The following EFCAB11 variants were observed in gnomAD, a reference collection of about 807,000 sequenced individuals.
EFCAB11 encodes EF-hand calcium-binding domain-containing protein 11.
A neutral mutation model predicts 23.0 loss-of-function variants in EFCAB11; 14 were observed. The observed-to-expected ratio is 0.61, with a 90% CI of 0.40 to 0.95. EFCAB11 has a LOEUF of 0.95. EFCAB11 is among the 40% of genes least tolerant of loss of function. The pLI, the probability that EFCAB11 is intolerant of heterozygous loss-of-function variation, is 0.00. For missense variants in EFCAB11, 198 were observed against 195.8 expected (o/e 1.01, Z -0.07); for synonymous variants, 65 against 66.6 (o/e 0.98, Z 0.11).
At chr14:89,859,721 G>C (rs1009360028) in intron 5 of EFCAB11, among the ~76,000 whole-genome samples, 2 of 152,210 alleles carry the variant, frequency 1.3e-5, no homozygotes, top group Non-Finnish European at 2.9e-5. Flanking sequence ...AGGAGGGTAA[G>C]AGAGTTGGGC....
At chr14:89,923,341 G>A (rs941618739) in intron 5 of EFCAB11, 1 of 152,204 alleles carries the variant, frequency 6.6e-6, no homozygotes, top group African/African-American at 2.4e-5. Context: ...GTCCCTCAGA[G>A]AGGAAATTCT....
chr14:89,885,674 T>TG (rs1171435056), intron 5 of EFCAB11, among the ~76,000 whole-genome samples: 1 of 129,942 alleles, frequency 7.7e-6, no homozygotes, highest in African/African-American at 3.0e-5. Flanking sequence ...AAGACTCTGT[T>TG]GAAAAAAAAA....
chr14:89,888,462 C>A lies in EFCAB11; in HGVS notation c.410+43079G>T, dbSNP rs117783890. Among the ~76,000 whole-genome samples the A allele has an allele frequency of 5.2e-3, 796 of 152,312 alleles. 3 individuals carry two copies. The highest frequency in any genetic ancestry group is 9.0e-3 in the Non-Finnish European group (610 of 68,016). ...CCTACAATCATGGCAGAAGGTAAAGCAGGAGCAGGCATGTCACATGGCCAG... is the reference window on the plus strand; with the variant it reads ...CCTACAATCATGGCAGAAGGTAAAGAAGGAGCAGGCATGTCACATGGCCAG... On this transcript the variant is annotated intron_variant, in intron 5 of 5. Coordinates refer to ENST00000316738, the MANE Select transcript of EFCAB11 (RefSeq NM_145231.4).
intron 5 of EFCAB11, among the ~76,000 whole-genome samples, chr14:89,921,083 AAAG>A (rs1196786928): frequency 1.4e-5 from 2 of 141,092 alleles, no homozygotes; most frequent in African/African-American, 6.2e-5. Flanking sequence ...AAAAGAAAAG[AAAG>A]AAAGAAAAGA....
Position 89,854,328 on chromosome 14 carries a change from G to A in EFCAB11, c.411-57004C>T, listed in dbSNP as rs114755715. On this transcript the variant is annotated intron_variant, in intron 5 of 5. Coordinates refer to ENST00000316738, the MANE Select transcript of EFCAB11 (RefSeq NM_145231.4). Reference sequence around the variant, plus strand: ...CCCATAGGAGAGCTGGGCAGAGAGAGGTGCCCGCATCCTACATACAGGGCA... The same window carrying A: ...CCCATAGGAGAGCTGGGCAGAGAGAAGTGCCCGCATCCTACATACAGGGCA... 3.7e-3 allele frequency among the ~76,000 whole-genome samples: 557 copies of A among 152,248 alleles called. 7 individuals carry two copies. Among genetic ancestry groups the A allele is most frequent in the African/African-American group, 0.012 (519 of 41,540 alleles).
intron 5 of EFCAB11, among the ~76,000 whole-genome samples, chr14:89,874,189 G>C (rs1888364572): frequency 6.6e-6 from 1 of 152,188 alleles, no homozygotes; most frequent in Non-Finnish European, 1.5e-5. Context: ...AATGCTTGGG[G>C]CTTACACCCT....
chr14:89,871,933 G>A (rs1224788151), intron 5 of EFCAB11, among the ~76,000 whole-genome samples: 1 of 152,180 alleles, frequency 6.6e-6, no homozygotes, highest in Non-Finnish European at 1.5e-5. Flanking sequence ...GCTGACAGTG[G>A]GTTCTCCAGA....
intron 3 of EFCAB11, among the ~76,000 whole-genome samples, chr14:89,944,245 CAA>C (rs1195302511): frequency 3.9e-5 from 6 of 152,172 alleles, no homozygotes; most frequent in African/African-American, 1.4e-4. Flanking sequence ...TGACAGCAGA[CAA>C]GAGAGAGCTT....
At chr14:89,935,074 G>A (rs1169256498) in intron 3 of EFCAB11, among the ~76,000 whole-genome samples, 1 of 152,132 alleles carries the variant, frequency 6.6e-6, no homozygotes, top group Non-Finnish European at 1.5e-5. Context: ...CCTTCCAGAT[G>A]CAACCCAGGC....
chr14:89,904,049 ACATGTGC>A (rs1368075723), intron 5 of EFCAB11, among the ~76,000 whole-genome samples: 1 of 152,114 alleles, frequency 6.6e-6, no homozygotes, highest in Non-Finnish European at 1.5e-5. Context: ...ACATAGGTAT[ACATGTGC>A]CATGTTGGTT....
At chr14:89,911,390 G>C (rs1889671413) in intron 5 of EFCAB11, among the ~76,000 whole-genome samples, 1 of 152,182 alleles carries the variant, frequency 6.6e-6, no homozygotes, top group Non-Finnish European at 1.5e-5. Context: ...TTTGGGGGTG[G>C]AGAGGCAGTA....
intron 5 of EFCAB11, among the ~76,000 whole-genome samples, chr14:89,881,112 A>T (rs1281152700): frequency 6.6e-6 from 1 of 151,542 alleles, no homozygotes; most frequent in Non-Finnish European, 1.5e-5. Flanking sequence ...TTATTTATTT[A>T]TTTATTTATT....
chr14:89,872,362 G>A (rs1363825633), intron 5 of EFCAB11, among the ~76,000 whole-genome samples: 2 of 152,200 alleles, frequency 1.3e-5, no homozygotes, highest in African/African-American at 2.4e-5. Context: ...AGCCTTTAGG[G>A]AAGCTGAAAT....
intron 3 of EFCAB11, among the ~76,000 whole-genome samples, chr14:89,945,517 T>C (rs907536406): frequency 3.3e-5 from 5 of 152,218 alleles, no homozygotes; most frequent in Non-Finnish European, 5.9e-5. Flanking sequence ...TTGGAACTTT[T>C]AAACTTTTAC....
At chr14:89,952,983 C>G (rs1891228813) in intron 2 of EFCAB11, among the ~76,000 whole-genome samples, 1 of 152,124 alleles carries the variant, frequency 6.6e-6, no homozygotes, top group African/African-American at 2.4e-5. Flanking sequence ...AGCATAAAGA[C>G]AGGGGTGAGC....
chr14:89,929,318 A>G (rs1483360889), intron 5 of EFCAB11, among the ~76,000 whole-genome samples: 1 of 151,992 alleles, frequency 6.6e-6, no homozygotes, highest in Non-Finnish European at 1.5e-5. Flanking sequence ...CTAAAGTGCT[A>G]GGATTACAGG....
intron 5 of EFCAB11, chr14:89,837,041 G>C (rs772530248): frequency 1.3e-5 from 6 of 456,380 alleles, no homozygotes. Flanking sequence ...CACAGGTGAG[G>C]GGTGTGCCTG....
At chr14:89,844,842 C>T (rs1257019009) in intron 5 of EFCAB11, among the ~76,000 whole-genome samples, 1 of 152,132 alleles carries the variant, frequency 6.6e-6, no homozygotes, top group Non-Finnish European at 1.5e-5. Flanking sequence ...CCTCAGGCCC[C>T]ATGATCAGGA....
intron 5 of EFCAB11, among the ~76,000 whole-genome samples, chr14:89,879,525 C>CA (rs34987384): frequency 2.3e-4 from 34 of 148,708 alleles, no homozygotes; most frequent in Admixed American, 6.0e-4. Flanking sequence ...GCCACCCCTC[C>CA]AAAAAAAAAA....
Sources: gnomAD v4.1 joint callset for allele counts (sites outside exome capture counted in the v4.1 genomes callset) on GRCh38, gnomAD v4.1.1 for gene constraint, MANE v1.5 for transcripts, NCBI Gene and HGNC (gene_info 2026-07-23, HGNC 2026-07-21) for gene names.